The following FAM185A variants were observed in gnomAD, a reference collection of about 807,000 sequenced individuals.
FAM185A encodes family with sequence similarity 185 member A.
FAM185A carries 21 observed loss-of-function variants against 45.7 expected under a neutral mutation model. The observed-to-expected ratio is 0.46, with a 90% CI of 0.33 to 0.66. The LOEUF (loss-of-function observed/expected upper bound fraction) is 0.66. FAM185A is among the 30% of genes least tolerant of loss of function. The pLI, the probability that FAM185A is intolerant of heterozygous loss-of-function variation, is 0.03. For missense variants in FAM185A, 305 were observed against 485.4 expected (o/e 0.63, Z 3.49); for synonymous variants, 117 against 194.0 (o/e 0.60, Z 3.30).
chr7:102,807,622 A>G (rs192922112), intron 7 of FAM185A, among the ~76,000 whole-genome samples: 34 of 152,264 alleles, frequency 2.2e-4, no homozygotes, highest in African/African-American at 7.5e-4. Context: ...CTGTACAAAT[A>G]AAAAACAGAG....
intron 6 of FAM185A, among the ~76,000 whole-genome samples, chr7:102,779,471 C>T (rs1370996242): frequency 1.3e-5 from 2 of 152,174 alleles, no homozygotes; most frequent in African/African-American, 4.8e-5. Flanking sequence ...AAAGTTAGCA[C>T]ACTTGAAACT....
the FAM185A span, among the ~76,000 whole-genome samples, chr7:102,831,977 A>T: frequency 2.0e-5 from 3 of 152,202 alleles, no homozygotes; most frequent in Non-Finnish European, 4.4e-5. Context: ...GTAGGTTACA[A>T]TGTATTTTGG....
At chr7:102,780,252 G>A (rs1252176261) in intron 6 of FAM185A, among the ~76,000 whole-genome samples, 3 of 152,148 alleles carry the variant, frequency 2.0e-5, no homozygotes, top group East Asian at 1.9e-4. Context: ...TGGGGTTAAT[G>A]CATTATGGCA....
At chr7:102,759,414 A>G (rs1251292856) in intron 3 of FAM185A, among the ~76,000 whole-genome samples, 1 of 152,110 alleles carries the variant, frequency 6.6e-6, no homozygotes, top group African/African-American at 2.4e-5. Context: ...TATGTACTAA[A>G]GAATCAGTCT....
At chr7:102,846,101 G>A in the FAM185A span, among the ~76,000 whole-genome samples, 5 of 152,168 alleles carry the variant, frequency 3.3e-5, no homozygotes, top group African/African-American at 1.2e-4. Context: ...CTGACATGTA[G>A]TAAGGGCTAA....
chr7:102,848,275 G>GGAAAGAGGAATCAGAAAT, the FAM185A span, among the ~76,000 whole-genome samples: 101 of 112,740 alleles, frequency 9.0e-4, 10 homozygotes, highest in Middle Eastern at 8.9e-3. Context: ...ACACATTCGA[G>GGAAAGAGGAATCAGAAAT]GCCGGGCGCG....
downstream of FAM185A, among the ~76,000 whole-genome samples, chr7:102,810,193 C>T (rs546858713): frequency 2.6e-5 from 4 of 152,234 alleles, no homozygotes; most frequent in East Asian, 1.9e-4. Flanking sequence ...TGGCCTAAAT[C>T]GCTTGGATTA....
At chr7:102,832,893 G>C in the FAM185A span, 1 of 1,614,196 alleles carries the variant, frequency 6.2e-7, no homozygotes, top group Non-Finnish European at 8.5e-7. Context: ...TAAATGGCCA[G>C]TGCTTTGATA....
chr7:102,799,987 A>G (rs1326673279), intron 7 of FAM185A, among the ~76,000 whole-genome samples: 1 of 152,174 alleles, frequency 6.6e-6, no homozygotes, highest in East Asian at 1.9e-4. Flanking sequence ...CTCTGAAGGA[A>G]GCAGATTGCT....
At chr7:102,794,339 A>T (rs867983126) in intron 7 of FAM185A, among the ~76,000 whole-genome samples, 27 of 152,232 alleles carry the variant, frequency 1.8e-4, no homozygotes, top group Admixed American at 1.5e-3. Context: ...ACAAAAGTTT[A>T]ATCTTGTAAC....
intron 4 of FAM185A, among the ~76,000 whole-genome samples, chr7:102,764,027 G>T (rs564745789): frequency 6.6e-6 from 1 of 152,328 alleles, no homozygotes; most frequent in African/African-American, 2.4e-5. Flanking sequence ...TCAATGCAAA[G>T]AACTCTTTTA....
the FAM185A span, among the ~76,000 whole-genome samples, chr7:102,832,343 T>C: frequency 3.9e-5 from 6 of 152,232 alleles, no homozygotes; most frequent in African/African-American, 1.4e-4. Context: ...GACATACCAT[T>C]TACTGTCCAC....
intron 4 of FAM185A, among the ~76,000 whole-genome samples, chr7:102,770,605 G>A (rs1794690844): frequency 6.6e-6 from 1 of 152,104 alleles, no homozygotes; most frequent in Non-Finnish European, 1.5e-5. Flanking sequence ...ATGAAAAACT[G>A]TTCCAAATCA....
chr7:102,835,369 T>C, the FAM185A span, among the ~76,000 whole-genome samples: 4 of 152,166 alleles, frequency 2.6e-5, no homozygotes, highest in Non-Finnish European at 4.4e-5. Flanking sequence ...CTTTGAATTA[T>C]TGGAATCAGT....
At chr7:102,775,145 A>G (rs145311121) in intron 5 of FAM185A, among the ~76,000 whole-genome samples, 8,104 of 152,188 alleles carry the variant, frequency 0.053, 130 homozygotes, top group East Asian at 0.13. Flanking sequence ...TTTAGTTAAC[A>G]TATCTGTCAC....
chr7:102,806,148 G>GTT (rs1375799096), intron 7 of FAM185A, among the ~76,000 whole-genome samples: 2 of 151,900 alleles, frequency 1.3e-5, no homozygotes, highest in African/African-American at 4.8e-5. Context: ...TTATTTTGTT[G>GTT]TTGTTGTTGT....
the FAM185A span, among the ~76,000 whole-genome samples, chr7:102,832,331 T>G: frequency 6.6e-6 from 1 of 152,236 alleles, no homozygotes; most frequent in Non-Finnish European, 1.5e-5. Context: ...ATGCCTTTGT[T>G]TGACATACCA....
chr7:102,828,152 G>C, the FAM185A span, among the ~76,000 whole-genome samples: 1 of 152,106 alleles, frequency 6.6e-6, no homozygotes, highest in Non-Finnish European at 1.5e-5. Flanking sequence ...GGATGGCATT[G>C]AATCTATAAA....
chr7:102,845,255 T>A, the FAM185A span, among the ~76,000 whole-genome samples: 1 of 152,052 alleles, frequency 6.6e-6, no homozygotes, highest in Non-Finnish European at 1.5e-5. Flanking sequence ...AGTCACCTCA[T>A]TAGAACAGAA....
Sources: gnomAD v4.1 joint callset for allele counts (sites outside exome capture counted in the v4.1 genomes callset) on GRCh38, gnomAD v4.1.1 for gene constraint, MANE v1.5 for transcripts, NCBI Gene and HGNC (gene_info 2026-07-23, HGNC 2026-07-21) for gene names.